Variants in RARB observed in about 807,000 individuals in gnomAD.
RARB encodes the protein HBV-activated protein.
RARB carries 17 observed loss-of-function variants against 51.9 expected under a neutral mutation model. That is an observed-to-expected ratio of 0.33 (90% CI 0.22 to 0.49). The LOEUF (loss-of-function observed/expected upper bound fraction) is 0.49, where lower values mean the gene tolerates loss of function less well. Among genes scored for constraint, RARB ranks in the 20% least tolerant of loss-of-function variants. The pLI, the probability that RARB is intolerant of heterozygous loss-of-function variation, is 0.99. For missense variants in RARB, 369 were observed against 550.8 expected (o/e 0.67, Z 3.30); for synonymous variants, 215 against 195.4 (o/e 1.10, Z -0.84).
chr3:25,052,494 T>C (rs148219348), intron 2 of RARB, among the ~76,000 whole-genome samples: 15 of 152,364 alleles, frequency 9.8e-5, no homozygotes, highest in African/African-American at 3.4e-4. Flanking sequence ...TTGTTTTTTC[T>C]TCATTTAAAA....
chr3:25,596,027 T>C (rs976842928), intron 7 of RARB, among the ~76,000 whole-genome samples: 1 of 152,200 alleles, frequency 6.6e-6, no homozygotes, highest in Non-Finnish European at 1.5e-5. Flanking sequence ...TTTGCATAAT[T>C]TTCTGTTATC....
chr3:25,015,683 A>C (rs1345904983), intron 2 of RARB, among the ~76,000 whole-genome samples: 1 of 152,074 alleles, frequency 6.6e-6, no homozygotes, highest in East Asian at 1.9e-4. Flanking sequence ...TCCTATCTAC[A>C]CTGTTAGACA....
intron 1 of RARB, among the ~76,000 whole-genome samples, chr3:24,847,131 G>A (rs957535443): frequency 6.6e-6 from 1 of 152,138 alleles, no homozygotes; most frequent in African/African-American, 2.4e-5. Context: ...TGCTAATCTG[G>A]GACCACACCG....
intron 2 of RARB, among the ~76,000 whole-genome samples, chr3:24,992,195 T>C (rs1229926576): frequency 6.6e-6 from 1 of 152,224 alleles, no homozygotes; most frequent in Non-Finnish European, 1.5e-5. Flanking sequence ...AATTAAGTTA[T>C]TTTATAATAA....
chr3:25,065,719 C>A (rs1352297737), intron 3 of RARB, among the ~76,000 whole-genome samples: 1 of 152,128 alleles, frequency 6.6e-6, no homozygotes, highest in East Asian at 1.9e-4. Context: ...GAGAATCTGG[C>A]ATGCAAATGC....
intron 3 of RARB, among the ~76,000 whole-genome samples, chr3:25,544,965 G>GTTGTTC (rs1699557517): frequency 6.6e-6 from 1 of 151,544 alleles, no homozygotes; most frequent in African/African-American, 2.4e-5. Context: ...TGTTGTTGTT[G>GTTGTTC]TTGTTGTTTT....
chr3:25,589,161 G>A (rs145120731), intron 5 of RARB, among the ~76,000 whole-genome samples: 2 of 152,242 alleles, frequency 1.3e-5, no homozygotes, highest in Non-Finnish European at 2.9e-5. Context: ...TGAGGCTTTA[G>A]AGGAGGTGAC....
intron 5 of RARB, among the ~76,000 whole-genome samples, chr3:25,397,728 T>C (rs1707154265): frequency 6.6e-6 from 1 of 152,214 alleles, no homozygotes; most frequent in Non-Finnish European, 1.5e-5. Context: ...ATGTTTTCCA[T>C]GTCCATGGTC....
chr3:25,594,308 C>T (rs1331288136), intron 6 of RARB, among the ~76,000 whole-genome samples: 1 of 152,104 alleles, frequency 6.6e-6, no homozygotes, highest in Non-Finnish European at 1.5e-5. Context: ...CAAAAGCAAC[C>T]AGGCATCAAA....
At chr3:25,569,725 C>T (rs577093267) in intron 3 of RARB, 33 bp from the exon 4 acceptor site, 19 of 1,597,804 alleles carry the variant, frequency 1.2e-5, no homozygotes, top group East Asian at 4.5e-5. Flanking sequence ...CAGCCTTCAG[C>T]GACCCCTGAT....
chr3:24,959,502 A>G (rs1696092556), intron 2 of RARB, among the ~76,000 whole-genome samples: 1 of 152,098 alleles, frequency 6.6e-6, no homozygotes, highest in Non-Finnish European at 1.5e-5. Context: ...TTTTATCGAT[A>G]TAGCATGGAG....
intron 2 of RARB, among the ~76,000 whole-genome samples, chr3:24,936,316 G>T (rs1232790492): frequency 6.6e-6 from 1 of 152,016 alleles, no homozygotes. Flanking sequence ...TTACATGTTA[G>T]GGCCTCAGAT....
chr3:25,226,079 A>C (rs1042405519), intron 5 of RARB, among the ~76,000 whole-genome samples: 9 of 152,226 alleles, frequency 5.9e-5, no homozygotes, highest in African/African-American at 2.2e-4. Context: ...TGCCCATATA[A>C]AAATTCAGTG....
At chr3:25,263,537 A>C (rs1457085790) in intron 5 of RARB, among the ~76,000 whole-genome samples, 1 of 152,202 alleles carries the variant, frequency 6.6e-6, no homozygotes, top group Non-Finnish European at 1.5e-5. Context: ...CATGGGTTTA[A>C]GAAGAGAACT....
intron 5 of RARB, among the ~76,000 whole-genome samples, chr3:25,216,275 A>G (rs1259205812): frequency 6.6e-6 from 1 of 152,050 alleles, no homozygotes; most frequent in African/African-American, 2.4e-5. Context: ...TATTTTTTTC[A>G]TTTCTTTATA....
intron 5 of RARB, among the ~76,000 whole-genome samples, chr3:25,310,861 G>T (rs541408169): frequency 6.6e-6 from 1 of 152,122 alleles, no homozygotes; most frequent in African/African-American, 2.4e-5. Flanking sequence ...TTAGGTTCTC[G>T]AAGCCATGAG....
intron 5 of RARB, among the ~76,000 whole-genome samples, chr3:25,361,057 A>C (rs1304676362): frequency 6.6e-6 from 1 of 152,164 alleles, no homozygotes; most frequent in Non-Finnish European, 1.5e-5. Flanking sequence ...CTCCTGGATA[A>C]TATCCTGAAG....
chr3:24,840,155 C>T (rs1003945118), intron 1 of RARB, among the ~76,000 whole-genome samples: 1 of 152,304 alleles, frequency 6.6e-6, no homozygotes, highest in Admixed American at 6.5e-5. Flanking sequence ...ATGGATGATA[C>T]TTTTAAAGCA....
At chr3:25,414,930 C>T (rs754106458) in intron 5 of RARB, among the ~76,000 whole-genome samples, 1 of 152,132 alleles carries the variant, frequency 6.6e-6, no homozygotes, top group African/African-American at 2.4e-5. Flanking sequence ...CAACCTCCAC[C>T]TCCTGGGTTC....
Sources: allele counts gnomAD v4.1 joint callset (sites outside exome capture counted in the v4.1 genomes callset), GRCh38; gene constraint gnomAD v4.1.1; transcripts MANE v1.5; gene names NCBI Gene and HGNC (gene_info 2026-07-23, HGNC 2026-07-21).